AMZ1: variants seen among roughly 807,000 people sequenced by gnomAD.
AMZ1 encodes archaelysin family metallopeptidase 1.
A neutral mutation model predicts 29.9 loss-of-function variants in AMZ1; 39 were observed. That is an observed-to-expected ratio of 1.30 (90% confidence interval 1.01 to 1.70). The LOEUF (loss-of-function observed/expected upper bound fraction) is 1.70, where lower values mean the gene tolerates loss of function less well. Among genes scored for constraint, AMZ1 ranks in the 40% most tolerant of loss-of-function variants. The probability of loss-of-function intolerance (pLI) is 0.00; values close to 1 mark genes in which losing one functional copy is unlikely to be tolerated. For missense variants in AMZ1, 1,041 were observed against 680.6 expected, an observed-to-expected ratio of 1.53 and a Z score of -5.89; for synonymous variants, 458 against 304.0, an observed-to-expected ratio of 1.51 and a Z score of -5.27.
intron 3 of AMZ1, among the ~76,000 whole-genome samples, chr7:2,703,886 T>A (rs185290539): frequency 1.3e-5 from 2 of 152,336 alleles, no homozygotes; most frequent in Non-Finnish European, 2.9e-5. Context: ...TGGAGTCACA[T>A]CCAAGGTACT....
chr7:2,710,002 A>G (rs1198453771), intron 6 of AMZ1, among the ~76,000 whole-genome samples, 186 bp downstream of exon 6: 1 of 152,174 alleles, frequency 6.6e-6, no homozygotes, highest in Non-Finnish European at 1.5e-5. Context: ...CTGGCAGTAG[A>G]TCGAGTCCTG....
chr7:2,711,128 C>G (rs994886689), intron 6 of AMZ1, among the ~76,000 whole-genome samples: 1 of 152,168 alleles, frequency 6.6e-6, no homozygotes, highest in South Asian at 2.1e-4. Context: ...AGAGCTCTCT[C>G]CGTTCCGTGA....
At chr7:2,686,623 A>C (rs1787086878), upstream of AMZ1, among the ~76,000 whole-genome samples, 1 of 152,182 alleles carries the variant, frequency 6.6e-6, no homozygotes, top group Admixed American at 6.5e-5. Flanking sequence ...TTACCTCTAC[A>C]CAGTTGGCTT....
At chr7:2,755,409 G>T (rs1168426986) in intron 4 of AMZ1, among the ~76,000 whole-genome samples, 3 of 152,162 alleles carry the variant, frequency 2.0e-5, no homozygotes, top group Non-Finnish European at 2.9e-5. Context: ...CATTTGTTTA[G>T]ATCTCATTTC....
intron 1 of AMZ1, among the ~76,000 whole-genome samples, chr7:2,689,374 G>GGGGC (rs1787250538): frequency 6.6e-6 from 1 of 152,128 alleles, no homozygotes; most frequent in Non-Finnish European, 1.5e-5. Context: ...CCTCCCTGGG[G>GGGGC]GGGGGATGCG....
chr7:2,725,189 G>A (rs1357988878), intron 4 of AMZ1, among the ~76,000 whole-genome samples: 5 of 152,238 alleles, frequency 3.3e-5, no homozygotes, highest in Non-Finnish European at 5.9e-5. Flanking sequence ...GTGGGATGTG[G>A]ATTAGCTAAG....
intron 1 of AMZ1, among the ~76,000 whole-genome samples, chr7:2,691,524 C>G (rs1252670791): frequency 6.7e-6 from 1 of 148,332 alleles, no homozygotes; most frequent in East Asian, 1.9e-4. Context: ...GGGTGGATCA[C>G]AAGGTCAGGA....
rs141829453 is a variant in AMZ1 at position 2,741,877 on chromosome 7, C to T, written n.551-22835C>T. On this transcript the variant is annotated intron_variant and non_coding_transcript_variant, in intron 4 of 4. Coordinates refer to the AMZ1 transcript ENST00000489665. ...TAGGATGACTGTCTCATAATTACCA[C>T]GTATTAGACACCGAGGTTTATCTAA... Among the ~76,000 whole-genome samples the T allele has an allele frequency of 7.0e-3, 1,057 of 150,492 alleles. 31 individuals carry two copies. Among genetic ancestry groups the T allele is most frequent in the Admixed American group, 0.057 (850 of 14,924 alleles).
chr7:2,740,812 AG>A (rs2115325958), intron 4 of AMZ1, among the ~76,000 whole-genome samples: 1 of 152,320 alleles, frequency 6.6e-6, no homozygotes, highest in East Asian at 1.9e-4. Flanking sequence ...TGGGAGGCCG[AG>A]GCGGACGGAT....
intron 1 of AMZ1, among the ~76,000 whole-genome samples, chr7:2,681,284 G>A (rs550969355): frequency 6.6e-6 from 1 of 152,104 alleles, no homozygotes; most frequent in Non-Finnish European, 1.5e-5. Context: ...GTGCAGTGGT[G>A]CAATCATGGC....
Position 2,731,610 on chromosome 7 carries a change from G to A in AMZ1, n.550+21794G>A, listed in dbSNP as rs1431626569. On this transcript the variant is annotated intron_variant and non_coding_transcript_variant, in intron 4 of 4. Coordinates refer to the AMZ1 transcript ENST00000489665. The surrounding 1 kb of genome is among the most constrained non-coding windows in gnomAD (Gnocchi z 6.0). ...TGGACGTGATCCCGTCGAAGCACTG[G>A]AACCACTTCTGGCGCTGGGACCGCT... 1 of 1,613,982 alleles carries A rather than the reference G, an allele frequency of 6.2e-7. No homozygotes were observed. Among genetic ancestry groups the A allele is most frequent in the Non-Finnish European group, 8.5e-7 (1 of 1,179,954 alleles).
chr7:2,734,296 C>G (rs74994097), intron 4 of AMZ1, among the ~76,000 whole-genome samples: 1,839 of 152,284 alleles, frequency 0.012, 48 homozygotes, highest in African/African-American at 0.042. Flanking sequence ...CAATGAGTCC[C>G]TTCAAAGGTA....
upstream of AMZ1, among the ~76,000 whole-genome samples, chr7:2,759,865 G>A (rs192233560): frequency 4.6e-3 from 695 of 152,174 alleles, 10 homozygotes; most frequent in Middle Eastern, 3.4e-3. Context: ...GTCCGCCCCC[G>A]TCTCAGAGCC....
chr7:2,691,006 T>G (rs1484317968), intron 1 of AMZ1, among the ~76,000 whole-genome samples: 1 of 151,378 alleles, frequency 6.6e-6, no homozygotes. Flanking sequence ...CCTGGCATGG[T>G]GGCATGCGTC....
intron 1 of AMZ1, among the ~76,000 whole-genome samples, chr7:2,695,988 G>A (rs1787693554): frequency 6.7e-6 from 1 of 148,374 alleles, no homozygotes; most frequent in South Asian, 2.2e-4. Context: ...CAGCCTGGGT[G>A]ACAGAGCGAA....
At chr7:2,719,683 A>AC (rs71550364), downstream of AMZ1, among the ~76,000 whole-genome samples, 1 of 147,328 alleles carries the variant, frequency 6.8e-6, no homozygotes, top group Non-Finnish European at 1.5e-5. Context: ...ATCAACCCCA[A>AC]TTTTTTTTTT....
chr7:2,706,300 G>A (rs1788351569), intron 3 of AMZ1, among the ~76,000 whole-genome samples: 1 of 152,200 alleles, frequency 6.6e-6, no homozygotes, highest in Non-Finnish European at 1.5e-5. Context: ...CCAAGTAGCT[G>A]GGACCGCAGA....
chr7:2,742,997 C>T (rs1428966535), intron 4 of AMZ1, among the ~76,000 whole-genome samples: 1 of 152,156 alleles, frequency 6.6e-6, no homozygotes, highest in Non-Finnish European at 1.5e-5. Flanking sequence ...TGGTGTGTGG[C>T]AACAACAACA....
upstream of AMZ1, among the ~76,000 whole-genome samples, chr7:2,686,663 A>T (rs896377670): frequency 2.0e-5 from 3 of 152,036 alleles, no homozygotes; most frequent in African/African-American, 7.2e-5. Context: ...TTTATTTTTC[A>T]TAATTTTCCA....
Sources: allele counts gnomAD v4.1 joint callset (sites outside exome capture counted in the v4.1 genomes callset), GRCh38; gene constraint gnomAD v4.1.1; non-coding constraint Gnocchi (gnomAD v3.1); transcripts MANE v1.5; gene names NCBI Gene and HGNC (gene_info 2026-07-23, HGNC 2026-07-21).